POU6F2: variants seen among roughly 807,000 people sequenced by gnomAD.
POU6F2 encodes the protein POU domain, class 6, transcription factor 2.
A neutral mutation model predicts 71.3 loss-of-function variants in POU6F2; 31 were observed. The ratio of observed to expected loss-of-function variants is 0.43; its 90% CI spans 0.33 to 0.59. POU6F2 has a LOEUF of 0.59. POU6F2 is among the 20% of genes least tolerant of loss of function. POU6F2 has a pLI of 0.04. For missense variants in POU6F2, 783 were observed against 856.8 expected, an observed-to-expected ratio of 0.91 and a Z score of 1.07; for synonymous variants, 347 against 355.7, an observed-to-expected ratio of 0.98 and a Z score of 0.27.
At chr7:39,017,740 C>T (rs1191871013) in intron 1 of POU6F2, among the ~76,000 whole-genome samples, 1 of 151,712 alleles carries the variant, frequency 6.6e-6, no homozygotes, top group African/African-American at 2.4e-5. Flanking sequence ...GTTTTCTAAC[C>T]CAATTATTTG....
At chr7:39,132,567 G>A (rs1359670823) in intron 2 of POU6F2, 1 of 152,304 alleles carries the variant, frequency 6.6e-6, no homozygotes, top group African/African-American at 2.4e-5. Context: ...GCAAGGAAGA[G>A]CAGCTCCTTT....
Position 39,215,194 on chromosome 7 carries a change from A to C in POU6F2, c.598+7574A>C, listed in dbSNP as rs568667241. Among the ~76,000 whole-genome samples, 3 of 152,248 alleles carry C rather than the reference A, an allele frequency of 2.0e-5. No individual in the cohort carries two copies. The East Asian group carries it at 5.8e-4, about 29-fold the overall frequency. The stretch of plus-strand genomic sequence containing the variant: ...ACCCCATCTCTACTAAAAATACAAA[A>C]TTTAGCAGGACATCATGGTGGGCAC... On this transcript the variant is annotated intron_variant, in intron 4 of 9. Transcript: ENST00000518318.
chr7:39,155,258 T>A (rs1239349589), intron 2 of POU6F2, among the ~76,000 whole-genome samples: 2 of 77,062 alleles, frequency 2.6e-5, no homozygotes, highest in East Asian at 4.1e-4. Flanking sequence ...TTTTGGGGGG[T>A]GGGGGTTGGG....
chr7:39,160,249 A>G (rs1792966285), intron 2 of POU6F2, among the ~76,000 whole-genome samples: 1 of 152,240 alleles, frequency 6.6e-6, no homozygotes, highest in African/African-American at 2.4e-5. Context: ...AGCATCCAGT[A>G]GAGGAAGACT....
intron 4 of POU6F2, among the ~76,000 whole-genome samples, chr7:39,324,419 T>C (rs2128769809): frequency 6.6e-6 from 1 of 152,340 alleles, no homozygotes; most frequent in South Asian, 2.1e-4. Flanking sequence ...CAATTCTCAC[T>C]CTCAAAAGCT....
intron 5 of POU6F2, among the ~76,000 whole-genome samples, chr7:39,396,037 TGTAA>T (rs1403352069): frequency 1.3e-5 from 2 of 152,196 alleles, no homozygotes; most frequent in Admixed American, 6.5e-5. Flanking sequence ...CACTATTGTA[TGTAA>T]GTAAGAAAAT....
At chr7:39,318,630 A>G (rs1200368580) in intron 4 of POU6F2, among the ~76,000 whole-genome samples, 2 of 152,088 alleles carry the variant, frequency 1.3e-5, no homozygotes, top group African/African-American at 4.8e-5. Context: ...CTCTCTTAGG[A>G]AAAAAACAAA....
At chr7:39,303,653 A>G (rs1214304774) in intron 4 of POU6F2, among the ~76,000 whole-genome samples, 1 of 152,218 alleles carries the variant, frequency 6.6e-6, no homozygotes, top group Non-Finnish European at 1.5e-5. Context: ...TCCTTCAGTC[A>G]ATGTGGGAGC....
At chr7:39,379,186 C>T (rs1457255887) in intron 5 of POU6F2, among the ~76,000 whole-genome samples, 3 of 152,076 alleles carry the variant, frequency 2.0e-5, no homozygotes, top group Non-Finnish European at 2.9e-5. Context: ...TTAGGTGCTG[C>T]GCATCATTCT....
intron 9 of POU6F2, among the ~76,000 whole-genome samples, chr7:39,461,954 T>C (rs1208749568): frequency 6.6e-6 from 1 of 152,236 alleles, no homozygotes; most frequent in African/African-American, 2.4e-5. Context: ...TGAATACCAT[T>C]GCTCCCTGTT....
At chr7:39,175,346 A>G (rs945926222) in intron 2 of POU6F2, among the ~76,000 whole-genome samples, 2 of 152,154 alleles carry the variant, frequency 1.3e-5, no homozygotes, top group African/African-American at 4.8e-5. Flanking sequence ...GTGCATCAGT[A>G]TAGGGTGACC....
At chr7:39,003,728 G>A (rs1015121081) in intron 1 of POU6F2, among the ~76,000 whole-genome samples, 1 of 150,678 alleles carries the variant, frequency 6.6e-6, no homozygotes, top group East Asian at 1.9e-4. Flanking sequence ...CAGCCTGGGC[G>A]ACAGAGGGAG....
chr7:39,305,226 T>C (rs1008709289), intron 4 of POU6F2, among the ~76,000 whole-genome samples: 3 of 152,252 alleles, frequency 2.0e-5, no homozygotes, highest in Admixed American at 2.0e-4. Context: ...TATCATTTCC[T>C]CATTTTACTC....
At position 39,149,937 on chromosome 7, in the gene POU6F2, G is replaced by A. The variant is rs534276087; in HGVS notation, c.278-54298G>A. ...GTCTCGCTCTGTCGCCCAGGCTGGA[G>A]TGCAGTGGCACAATCTCGGCTCACT... On this transcript the variant is annotated intron_variant, in intron 2 of 9. Coordinates refer to ENST00000518318, the MANE Select transcript of POU6F2 (RefSeq NM_001370959.1). 1.5e-4 allele frequency among the ~76,000 whole-genome samples: 22 copies of A among 149,892 alleles called. No individual in the cohort carries two copies. The South Asian group carries it at 2.9e-3, about 20-fold the overall frequency.
chr7:39,287,359 G>A (rs1784669357), intron 4 of POU6F2, among the ~76,000 whole-genome samples: 1 of 152,020 alleles, frequency 6.6e-6, no homozygotes, highest in Admixed American at 6.6e-5. Context: ...CCCTCCCCTG[G>A]ATTCTTCTCC....
At position 39,114,534 on chromosome 7, in the gene POU6F2, A is replaced by G. The variant is rs144037890; in HGVS notation, c.277+28503A>G. 3.0e-3 allele frequency among the ~76,000 whole-genome samples: 452 copies of G among 152,302 alleles called. 1 individual carries two copies. The highest frequency in any genetic ancestry group is 0.01 in the African/African-American group (428 of 41,568). On this transcript the variant is annotated intron_variant, in intron 2 of 9. Transcript: ENST00000518318. ...CATGTGGGGAAAGTACTGATAAACA[A>G]TATCATTCACATGGAAATCACCACT...
Position 39,433,275 on chromosome 7 carries a change from G to A in POU6F2, c.1312G>A (p.Gly438Ser), listed in dbSNP as rs140161191. Residue 438 changes from glycine to serine, a missense_variant, in exon 7 of 10, where the codon GGC (glycine) becomes AGC (serine). Coordinates refer to ENST00000518318, the MANE Select transcript of POU6F2 (RefSeq NM_001370959.1). The part of the protein sequence containing the change: ...QGITLSPIKP[G>S]QQLHQPSQTS... ...CATCACGCTGTCACCCATCAAGCCC[G>A]GCCAGCAGGTAAATGTTCCAGGCCA... 2.4e-4 allele frequency: 381 copies of A among 1,613,908 alleles called. 1 individual carries two copies. The African/African-American group carries it at 4.2e-3, about 18-fold the overall frequency.
In POU6F2 at chr7:39,396,460, C is replaced by T. The variant is rs533174260; in HGVS notation, c.973-10140C>T. Among the ~76,000 whole-genome samples, 10 of 152,286 alleles carry T rather than the reference C, an allele frequency of 6.6e-5. No homozygotes were observed. In the South Asian group the frequency reaches 2.1e-3, roughly 32 times the overall value. On this transcript the variant is annotated intron_variant, in intron 5 of 9. Coordinates refer to ENST00000518318, the MANE Select transcript of POU6F2 (RefSeq NM_001370959.1). ...ATTGATAACTCTGCACAACTTGGAC[C>T]TGGGCCCCATGTAGGATATAGCTCT...
At chr7:39,389,034 C>G (rs1787010173) in intron 5 of POU6F2, among the ~76,000 whole-genome samples, 1 of 152,064 alleles carries the variant, frequency 6.6e-6, no homozygotes, top group Non-Finnish European at 1.5e-5. Flanking sequence ...AGTTTACTGG[C>G]TCCTCCTCAA....
Sources: allele counts gnomAD v4.1 joint callset (sites outside exome capture counted in the v4.1 genomes callset), GRCh38; gene constraint gnomAD v4.1.1; transcripts MANE v1.5; gene names NCBI Gene and HGNC (gene_info 2026-07-23, HGNC 2026-07-21).